KEAP1: variants seen among roughly 807,000 people sequenced by gnomAD.
KEAP1 encodes the protein kelch like ECH associated protein 1, also known as kelch-like ECH-associated protein 1.
KEAP1 carries 26 observed loss-of-function variants against 59.7 expected under a neutral mutation model. That is an observed-to-expected ratio of 0.44 (90% CI 0.32 to 0.60). KEAP1 has a LOEUF of 0.60. Ranked by LOEUF, KEAP1 falls within the 20% of genes least tolerant of loss-of-function variation. The pLI is 0.06. For missense variants in KEAP1, 539 were observed against 871.4 expected, an observed-to-expected ratio of 0.62 and a Z score of 4.80; for synonymous variants, 350 against 358.3, an observed-to-expected ratio of 0.98 and a Z score of 0.26.
chr19:10,498,837 T>G (rs1008936082), intron 2 of KEAP1, among the ~76,000 whole-genome samples: 3 of 138,278 alleles, frequency 2.2e-5, no homozygotes, highest in African/African-American at 8.5e-5. Flanking sequence ...AGTTGTTTTT[T>G]AATTTTTTTT....
chr19:10,489,454 C>T (rs964402266), intron 4 of KEAP1, 86 bp from the exon 5 acceptor site: 1 of 1,379,344 alleles, frequency 7.2e-7, no homozygotes, highest in South Asian at 1.3e-5. Flanking sequence ...GACCTTTCCT[C>T]TCTCCTCTCC....
chr19:10,486,761 T>C lies in KEAP1; in HGVS notation c.1766A>G (p.Asp589Gly), dbSNP rs2144578342. 1 of 1,614,004 alleles carries C rather than the reference T, an allele frequency of 6.2e-7. No homozygotes were observed. Among genetic ancestry groups the C allele is most frequent in the Non-Finnish European group, 8.5e-7 (1 of 1,180,008 alleles). Residue 589 changes from aspartate to glycine, a missense_variant, in exon 6 of 6, where the codon GAC becomes GGC. Physicochemically the swap from Asp to Gly is moderately conservative, Grantham distance 94. This residue lies in a region of KEAP1 where 311 missense variants were observed against 425.2 expected (regional missense o/e 0.73). Coordinates refer to ENST00000171111, the MANE Select transcript of KEAP1 (RefSeq NM_203500.2). ...CATTCGGGTCACCTCGCTCCAGGTG[T>C]CTGTATCTGGGTCGTAACACTCCAC... Reference protein sequence around the residue: ...DSVECYDPDTDTWSEVTRMTS... With the variant: ...DSVECYDPDTGTWSEVTRMTS...
chr19:10,493,540 C>A (rs1914750675), intron 2 of KEAP1, among the ~76,000 whole-genome samples: 2 of 149,298 alleles, frequency 1.3e-5, no homozygotes, highest in Admixed American at 1.3e-4. Flanking sequence ...TCATGTTGGC[C>A]AGGCTGGTCT....
At position 10,499,838 on chromosome 19, in the gene KEAP1, T is replaced by C. The variant is rs1398767606; in HGVS notation, c.196A>G (p.Ile66Val). The change falls in exon 2 of 6, where the codon ATC becomes GTC. Residue 66 changes from isoleucine to valine, a missense_variant. Transcript: ENST00000171111. The surrounding 1 kb of genome is among the most constrained non-coding windows in gnomAD (Gnocchi z 6.7). ...TGGCTGAGCCGCAGCTCGTTCATGA[T>C]GCCAAAGGCCTGCTTGGTATGATCC... ...LEDHTKQAFGIMNELRLSQQL... is the reference protein window; with the variant it reads ...LEDHTKQAFGVMNELRLSQQL... 2 of 1,613,978 alleles carry C rather than the reference T, an allele frequency of 1.2e-6. No homozygotes were observed. The highest frequency in any genetic ancestry group is 1.7e-6 in the Non-Finnish European group (2 of 1,180,026).
rs2144624388 is a variant in KEAP1, at chr19:10,499,425, G to C, written c.609C>G (p.Ala203=). ...QIGCVELHQR[A]REYIYMHFGE... is the part of the protein sequence containing the mutation. ...CAAAATGCATGTAGATGTACTCCCG[G>C]GCACGCTGGTGCAACTCCACACAGC... Residue 203 remains alanine (A), a synonymous_variant, in exon 2 of 6, where the codon GCC becomes GCG. Transcript: ENST00000171111. The surrounding 1 kb of genome is among the most constrained non-coding windows in gnomAD (Gnocchi z 6.7). 6.2e-7 allele frequency: 1 copy of C among 1,612,186 alleles called. No individual in the cohort carries two copies. The highest frequency in any genetic ancestry group is 8.5e-7 in the Non-Finnish European group (1 of 1,179,380).
In KEAP1 at chr19:10,499,460, C is replaced by G. The variant is rs773213500; in HGVS notation, c.574G>C (p.Glu192Gln). Residue 192 changes from glutamate (E) to glutamine (Q), a missense_variant, in exon 2 of 6, where the codon GAG (glutamate) becomes CAG (glutamine). Glu to Gln is a conservative substitution (Grantham distance 29). Transcript: ENST00000171111. The surrounding 1 kb of genome is among the most constrained non-coding windows in gnomAD (Gnocchi z 6.7). ...TGCAACTCCACACAGCCAATCTGCT[C>G]AGCGAAGTTGGCGATGCCGATGGCA... ...SNAIGIANFA[E>Q]QIGCVELHQR... 1.9e-6 allele frequency: 3 copies of G among 1,613,988 alleles called. No individual in the cohort carries two copies. Among genetic ancestry groups the G allele is most frequent in the African/African-American group, 1.3e-5 (1 of 74,932 alleles).
intron 3 of KEAP1, 137 bp from the exon 4 acceptor site, chr19:10,489,990 G>A (rs1245710858): frequency 3.6e-6 from 3 of 839,548 alleles, no homozygotes; most frequent in East Asian, 5.4e-5. Context: ...GATGGCTCAT[G>A]CCTGTAATCC....
chr19:10,491,629 T>C lies in KEAP1; in HGVS notation c.1273A>G (p.Ile425Val), dbSNP rs370526574. Residue 425 changes from isoleucine to valine, a missense_variant, in exon 3 of 6, where the codon ATC becomes GTC. Physicochemically the swap from Ile to Val is conservative, Grantham distance 29. This residue lies in a region of KEAP1 where 311 missense variants were observed against 425.2 expected (regional missense o/e 0.73). Coordinates refer to ENST00000171111, the MANE Select transcript of KEAP1 (RefSeq NM_203500.2). This position sits in a 1 kb window ranked among gnomAD's most constrained non-coding sequence, Gnocchi z 5.2. ...CCGTGGGAGCCGCCGACGGCATAGA[T>C]GTGGCCATCGATGACCCCCACCCCG... ...RIGVGVIDGHIYAVGGSHGCI... is the reference protein window; with the variant it reads ...RIGVGVIDGHVYAVGGSHGCI... The C allele has an allele frequency of 3.1e-5, 49 of 1,593,652 alleles. No homozygotes were observed. The highest frequency in any genetic ancestry group is 4.1e-5 in the Non-Finnish European group (48 of 1,170,836).
At position 10,486,299 on chromosome 19, in the gene KEAP1, C is replaced by A. The variant is rs1392106881; in HGVS notation, c.*353G>T. 3.8e-6 allele frequency: 1 copy of A among 262,052 alleles called. No homozygotes were observed. The highest frequency in any genetic ancestry group is 7.3e-6 in the Non-Finnish European group (1 of 137,046). 16.2% of individuals were successfully genotyped at this position (262,052 alleles called of 1,614,324 possible). A position where few individuals can be genotyped will look rare whatever the true frequency, so the allele number is the denominator to read the frequency against. ...CTCCCCCTGAGGCCCCCATTGGCCC[C>A]CTCCCAGGTATCCAAGAATAAATCA... On this transcript the variant is annotated 3_prime_UTR_variant, in exon 6 of 6. Coordinates refer to ENST00000171111, the MANE Select transcript of KEAP1 (RefSeq NM_203500.2).
rs964065459 is a variant in KEAP1, at chr19:10,488,468, TG to T, written c.1708+723del. On this transcript the variant is annotated intron_variant, in intron 5 of 5. Transcript: ENST00000171111. ...TCTCTACTAAAATACAAAAATTAGC[TG>T]GGCATAGTGGCAGGCGCCTGTAATC... 2.6e-5 allele frequency among the ~76,000 whole-genome samples: 4 copies of T among 151,138 alleles called. No individual in the cohort carries two copies. The East Asian group carries it at 5.9e-4, about 22-fold the overall frequency.
rs1914662471 is a variant in KEAP1 at position 10,491,431 on chromosome 19, T to G, written c.1325+146A>C. 4 of 615,122 alleles carry G rather than the reference T, an allele frequency of 6.5e-6. No homozygotes were observed. In the East Asian group the frequency reaches 1.3e-4, roughly 19 times the overall value. 38.1% of individuals were successfully genotyped at this position (615,122 alleles called of 1,614,324 possible). A position where few individuals can be genotyped will look rare whatever the true frequency, so the allele number is the denominator to read the frequency against. On this transcript the variant is annotated intron_variant, in intron 3 of 5. Coordinates refer to ENST00000171111, the MANE Select transcript of KEAP1 (RefSeq NM_203500.2). This position sits in a 1 kb window ranked among gnomAD's most constrained non-coding sequence, Gnocchi z 5.2. ...AATCAAAGGTCACTGACTAGAACTC[T>G]CCAAGGAGCTTAGCTTCATCCTGAG...
In KEAP1 at chr19:10,488,464, T is replaced by A. The variant is rs190341702; in HGVS notation, c.1708+728A>T. On this transcript the variant is annotated intron_variant, in intron 5 of 5. Coordinates refer to ENST00000171111, the MANE Select transcript of KEAP1 (RefSeq NM_203500.2). Reference sequence around the variant, plus strand: ...CCCATCTCTACTAAAATACAAAAATTAGCTGGGCATAGTGGCAGGCGCCTG... The same window carrying A: ...CCCATCTCTACTAAAATACAAAAATAAGCTGGGCATAGTGGCAGGCGCCTG... Among the ~76,000 whole-genome samples the A allele has an allele frequency of 7.4e-4, 112 of 151,004 alleles. 1 individual carries two copies. The highest frequency in any genetic ancestry group is 2.6e-3 in the African/African-American group (106 of 41,032).
rs968790767 is a variant in KEAP1, at chr19:10,502,375, G to GA, written c.-48+865dup. ...CCTCCACCAGGCCCAGTGAGGCGAG[G>GA]AAGTGACCCCACCGCGGCCTCTCGG... On this transcript the variant is annotated intron_variant, in intron 1 of 5. Transcript: ENST00000171111. The surrounding 1 kb of genome is among the most constrained non-coding windows in gnomAD (Gnocchi z 4.0). 16 of 152,424 alleles carry GA rather than the reference G, an allele frequency of 1.0e-4. No individual in the cohort carries two copies. Among genetic ancestry groups the GA allele is most frequent in the African/African-American group, 3.6e-4 (15 of 41,580 alleles). The allele number at this position is 152,424 out of a possible 1,614,324, so 9.4% of individuals were successfully genotyped here.
chr19:10,492,328 G>T (rs1023513846), intron 2 of KEAP1, 66 bp from the exon 3 acceptor site: 1 of 1,252,228 alleles, frequency 8.0e-7, no homozygotes, highest in Non-Finnish European at 1.1e-6. Flanking sequence ...AAGCAGGACC[G>T]GGACAAGTAA....
chr19:10,487,172 C>T (rs1391032875), intron 5 of KEAP1, among the ~76,000 whole-genome samples: 4 of 151,052 alleles, frequency 2.6e-5, no homozygotes, highest in African/African-American at 4.9e-5. Context: ...GGTGAAGCCC[C>T]ATCTCTACAA....
At position 10,499,869 on chromosome 19, in the gene KEAP1, G is replaced by C. The variant is rs887766598; in HGVS notation, c.165C>G (p.Thr55=). 6.2e-7 allele frequency: 1 copy of C among 1,613,676 alleles called. No homozygotes were observed. The highest frequency in any genetic ancestry group is 1.3e-5 in the African/African-American group (1 of 75,056). ...AGGCCTGCTTGGTATGATCCTCCAG[G>C]GTGTAGCTGAAGGTGCGGTTGCCAT... is the stretch of plus-strand genomic sequence containing the variant. ...SQHGNRTFSY[T]LEDHTKQAFG... Residue 55 remains threonine, a synonymous_variant, in exon 2 of 6, where the codon ACC becomes ACG. Coordinates refer to ENST00000171111, the MANE Select transcript of KEAP1 (RefSeq NM_203500.2). This position sits in a 1 kb window ranked among gnomAD's most constrained non-coding sequence, Gnocchi z 6.7.
chr19:10,489,939 C>CTT, intron 3 of KEAP1, 86 bp from the exon 4 acceptor site: 37 of 1,178,614 alleles, frequency 3.1e-5, no homozygotes, highest in Non-Finnish European at 4.2e-5. Flanking sequence ...CTTTTTTTTC[C>CTT]TTTTTTTTTT....
At chr19:10,496,454 C>G (rs550090139) in intron 2 of KEAP1, among the ~76,000 whole-genome samples, 1 of 150,836 alleles carries the variant, frequency 6.6e-6, no homozygotes, top group Admixed American at 6.6e-5. Flanking sequence ...CGAGATCATG[C>G]CACTATACTC....
chr19:10,501,776 G>A (rs1020918171), intron 1 of KEAP1, among the ~76,000 whole-genome samples: 1 of 151,944 alleles, frequency 6.6e-6, no homozygotes, highest in Admixed American at 6.6e-5. Context: ...CAACCTCCTG[G>A]CCTCAAGTGA....
Sources: gnomAD v4.1 joint callset for allele counts (sites outside exome capture counted in the v4.1 genomes callset) on GRCh38, gnomAD v4.1.1 for gene constraint, gnomAD v4.1.1 regional missense constraint, Gnocchi (gnomAD v3.1) non-coding constraint, MANE v1.5 for transcripts, NCBI Gene and HGNC (gene_info 2026-07-23, HGNC 2026-07-21) for gene names.